The following SNX29 variants were observed in gnomAD, a reference collection of about 807,000 sequenced individuals.
The protein encoded by SNX29 is sorting nexin 29, also known as sorting nexin-29.
A neutral mutation model predicts 102.1 loss-of-function variants in SNX29; 78 were observed. The observed-to-expected ratio is 0.76, with a 90% CI of 0.64 to 0.92. The LOEUF is 0.92. Ranked by LOEUF, SNX29 falls within the 40% of genes least tolerant of loss-of-function variation. SNX29 has a pLI of 0.00. For missense variants in SNX29, 1,280 were observed against 1,061.7 expected (o/e 1.21, Z -2.86); for synonymous variants, 580 against 414.5 (o/e 1.40, Z -4.85).
chr16:12,233,085 ATCTTCTTTG>A lies in SNX29; in HGVS notation c.1678+33416_1678+33424del, dbSNP rs1197022213. 3.9e-5 allele frequency among the ~76,000 whole-genome samples: 6 copies of A among 151,936 alleles called. No individual in the cohort carries two copies. In the East Asian group the frequency reaches 5.8e-4, roughly 15 times the overall value. On this transcript the variant is annotated intron_variant, in intron 14 of 20. Transcript: ENST00000566228. ...TGGAAATGCCTTCCTCTTTGTCTTC[ATCTTCTTTG>A]TCTTCTTTGTCTTTGTCTTCCTCCT...
intron 18 of SNX29, among the ~76,000 whole-genome samples, chr16:12,448,788 C>G (rs1361481104): frequency 1.3e-5 from 2 of 152,202 alleles, no homozygotes; most frequent in African/African-American, 4.8e-5. Context: ...TCCAAGACAA[C>G]AAGCTGTCCT....
chr16:12,103,841 T>A (rs565157361), intron 11 of SNX29, among the ~76,000 whole-genome samples: 105 of 152,216 alleles, frequency 6.9e-4, no homozygotes, highest in Non-Finnish European at 1.3e-3. Flanking sequence ...TAAACAACTT[T>A]GCGAGAGAAA....
intron 18 of SNX29, among the ~76,000 whole-genome samples, chr16:12,443,657 A>T (rs2085910044): frequency 6.6e-6 from 1 of 152,140 alleles, no homozygotes; most frequent in African/African-American, 2.4e-5. Context: ...CACTATGTTG[A>T]CCAGGCTGGT....
intron 20 of SNX29, among the ~76,000 whole-genome samples, chr16:12,535,776 C>T (rs1289144977): frequency 1.3e-5 from 2 of 151,896 alleles, no homozygotes; most frequent in Admixed American, 1.3e-4. Context: ...CTCTGGAGGT[C>T]CTCAGAGTAT....
Position 12,571,526 on chromosome 16 carries a change from G to C in SNX29, c.*2897G>C. On this transcript the variant is annotated 3_prime_UTR_variant, in exon 21 of 21. Transcript: ENST00000566228. ...ACCTCTCAAGGGCCTTGGATTCCTG[G>C]GACCACCCTTTGCTGGGAGGAAGAA... is the stretch of plus-strand genomic sequence containing the variant. 1.2e-6 allele frequency: 1 copy of C among 814,272 alleles called. No homozygotes were observed. The highest frequency in any genetic ancestry group is 1.5e-6 in the Non-Finnish European group (1 of 650,636). The allele number at this position is 814,272 out of a possible 1,614,324, so 50.4% of individuals were successfully genotyped here. A position where few individuals can be genotyped will look rare whatever the true frequency, so the allele number is the denominator to read the frequency against.
At chr16:12,561,217 G>T in intron 20 of SNX29, 1 of 229,806 alleles carries the variant, frequency 4.4e-6, no homozygotes, top group East Asian at 6.2e-5. Flanking sequence ...CCGCAGCCAT[G>T]CAGTACAGAA....
Position 12,009,439 on chromosome 16 carries a change from TTA to T in SNX29, c.122+6400_122+6401del, listed in dbSNP as rs1231420640. Among the ~76,000 whole-genome samples the T allele has an allele frequency of 4.0e-5, 6 of 148,808 alleles. No homozygotes were observed. The South Asian group carries it at 1.3e-3, about 31-fold the overall frequency. ...TATGTATACATGTATATATATATTT[TTA>T]TATGTGTGTGTGTATATATGTGTGT... On this transcript the variant is annotated intron_variant, in intron 3 of 20. Coordinates refer to ENST00000566228, the MANE Select transcript of SNX29 (RefSeq NM_032167.5).
intron 15 of SNX29, among the ~76,000 whole-genome samples, chr16:12,286,563 T>G (rs1209209248): frequency 1.3e-5 from 2 of 151,974 alleles, no homozygotes; most frequent in African/African-American, 4.8e-5. Context: ...GCCAGGATGG[T>G]CTCGATCTCC....
At position 11,976,735 on chromosome 16, in the gene SNX29, T is replaced by G; in HGVS notation, c.-72T>G. On this transcript the variant is annotated 5_prime_UTR_variant, in exon 1 of 21. Coordinates refer to ENST00000566228, the MANE Select transcript of SNX29 (RefSeq NM_032167.5). The stretch of plus-strand genomic sequence containing the variant: ...GGCGGGGCTCCTGTCTCCCGGCCTG[T>G]CTGGAGCTCGGCAGCCGCAGAAGCG... 1 of 1,172,150 alleles carries G rather than the reference T, an allele frequency of 8.5e-7. No individual in the cohort carries two copies. The highest frequency in any genetic ancestry group is 3.3e-5 in the East Asian group (1 of 30,646). The allele number at this position is 1,172,150 out of a possible 1,614,324, so 72.6% of individuals were successfully genotyped here.
intron 15 of SNX29, among the ~76,000 whole-genome samples, chr16:12,295,978 TTC>T (rs1186100408): frequency 6.6e-6 from 1 of 152,274 alleles, no homozygotes. Context: ...ATGAAATATG[TTC>T]TGTGGTAACA....
chr16:12,218,153 C>A (rs1237468825), intron 14 of SNX29, among the ~76,000 whole-genome samples: 1 of 152,194 alleles, frequency 6.6e-6, no homozygotes, highest in Non-Finnish European at 1.5e-5. Flanking sequence ...GACACTGGAG[C>A]TTGTACTTCA....
intron 15 of SNX29, among the ~76,000 whole-genome samples, chr16:12,321,395 G>C (rs2080925792): frequency 6.6e-6 from 1 of 152,278 alleles, no homozygotes; most frequent in East Asian, 1.9e-4. Flanking sequence ...TCAGAATTTA[G>C]CCCCCACACT....
At chr16:12,383,993 G>A (rs1422772098) in intron 16 of SNX29, among the ~76,000 whole-genome samples, 2 of 152,022 alleles carry the variant, frequency 1.3e-5, no homozygotes, top group Admixed American at 6.5e-5. Context: ...TGTGCTTGTT[G>A]TATTTCACTT....
At chr16:12,526,578 C>G (rs756181479) in intron 20 of SNX29, 1 of 529,962 alleles carries the variant, frequency 1.9e-6, no homozygotes, top group East Asian at 4.0e-5. Context: ...TGGAAATGGC[C>G]GCGATAGTTC....
intron 20 of SNX29, among the ~76,000 whole-genome samples, chr16:12,549,725 C>T (rs143050220): frequency 6.6e-6 from 1 of 152,218 alleles, no homozygotes; most frequent in African/African-American, 2.4e-5. Flanking sequence ...AGTCACCCTA[C>T]AAAGTGTGTT....
At chr16:12,522,109 C>T (rs1048658880) in intron 19 of SNX29, among the ~76,000 whole-genome samples, 1 of 152,182 alleles carries the variant, frequency 6.6e-6, no homozygotes, top group Admixed American at 6.5e-5. Context: ...CCACCTGGTG[C>T]TTGCAAGAGG....
At chr16:12,433,445 G>T (rs973902667) in intron 18 of SNX29, among the ~76,000 whole-genome samples, 5 of 151,922 alleles carry the variant, frequency 3.3e-5, no homozygotes, top group Non-Finnish European at 5.9e-5. Context: ...AGCCTGGCCA[G>T]TATGGTGAAA....
intron 13 of SNX29, among the ~76,000 whole-genome samples, chr16:12,190,351 C>T (rs1018959837): frequency 6.6e-6 from 1 of 152,056 alleles, no homozygotes; most frequent in African/African-American, 2.4e-5. Flanking sequence ...GACATGGCCA[C>T]TGTCTTCAAG....
intron 19 of SNX29, among the ~76,000 whole-genome samples, chr16:12,499,865 CAG>C (rs1449244604): frequency 3.3e-5 from 5 of 152,218 alleles, no homozygotes; most frequent in Non-Finnish European, 7.4e-5. Context: ...TTTGTAGAGA[CAG>C]GGCTTTGCTA....
Sources: allele counts gnomAD v4.1 joint callset (sites outside exome capture counted in the v4.1 genomes callset), GRCh38; gene constraint gnomAD v4.1.1; transcripts MANE v1.5; gene names NCBI Gene and HGNC (gene_info 2026-07-23, HGNC 2026-07-21).